Variants in CCDC6 observed in about 807,000 individuals in gnomAD.
CCDC6 encodes the protein coiled-coil domain containing 6.
CCDC6 carries 20 observed loss-of-function variants against 56.6 expected under a neutral mutation model. That is an observed-to-expected ratio of 0.35 (90% CI 0.25 to 0.51). The LOEUF is 0.51. CCDC6 is among the 20% of genes least tolerant of loss of function. The probability of loss-of-function intolerance (pLI) is 0.95; values close to 1 mark genes in which losing one functional copy is unlikely to be tolerated. For missense variants in CCDC6, 367 were observed against 601.1 expected (o/e 0.61, Z 4.07); for synonymous variants, 241 against 234.4 (o/e 1.03, Z -0.26).
At chr10:59,856,984 T>C (rs2071085253) in intron 1 of CCDC6, among the ~76,000 whole-genome samples, 1 of 152,210 alleles carries the variant, frequency 6.6e-6, no homozygotes, top group Non-Finnish European at 1.5e-5. Flanking sequence ...TTTATGATAT[T>C]TTCCTGTTCC....
At chr10:59,865,852 CAAAAAA>C (rs777021321) in intron 1 of CCDC6, among the ~76,000 whole-genome samples, 2,247 of 57,038 alleles carry the variant, frequency 0.039, 29 homozygotes, top group Middle Eastern at 0.12. Flanking sequence ...TCCATCTCCA[CAAAAAA>C]AAAAAAAAAA....
intron 1 of CCDC6, among the ~76,000 whole-genome samples, chr10:59,862,634 A>G (rs1342373697): frequency 1.3e-5 from 2 of 151,514 alleles, no homozygotes; most frequent in African/African-American, 4.9e-5. Context: ...ATTTTTAAAA[A>G]TGAAGATTAG....
chr10:59,862,516 T>TATATATATATATACACAC (rs1554886091), intron 1 of CCDC6, among the ~76,000 whole-genome samples: 1 of 97,204 alleles, frequency 1.0e-5, no homozygotes, highest in Non-Finnish European at 1.9e-5. Flanking sequence ...TATATATATA[T>TATATATATATATACACAC]ACACACACAC....
At chr10:59,846,122 T>C (rs2070989212) in intron 2 of CCDC6, among the ~76,000 whole-genome samples, 1 of 152,124 alleles carries the variant, frequency 6.6e-6, no homozygotes. Flanking sequence ...AGAAATGTCA[T>C]GCTACTCAGA....
At chr10:59,841,964 C>A (rs1468395369) in intron 2 of CCDC6, among the ~76,000 whole-genome samples, 2 of 152,060 alleles carry the variant, frequency 1.3e-5, no homozygotes, top group Non-Finnish European at 2.9e-5. Flanking sequence ...CCGCGCCCGA[C>A]CCCATGTCTT....
At chr10:59,902,697 G>A (rs764661549) in intron 1 of CCDC6, among the ~76,000 whole-genome samples, 2 of 152,152 alleles carry the variant, frequency 1.3e-5, no homozygotes, top group Non-Finnish European at 2.9e-5. Flanking sequence ...ACCGCGCCCG[G>A]CCCCGCCAAA....
chr10:59,862,762 G>A (rs898777924), intron 1 of CCDC6, among the ~76,000 whole-genome samples: 1 of 151,952 alleles, frequency 6.6e-6, no homozygotes, highest in African/African-American at 2.4e-5. Flanking sequence ...ATCAAGTGTT[G>A]ACAAGTATCA....
At chr10:59,902,114 A>G (rs1288268772) in intron 1 of CCDC6, among the ~76,000 whole-genome samples, 1 of 152,184 alleles carries the variant, frequency 6.6e-6, no homozygotes, top group African/African-American at 2.4e-5. Context: ...GACACGACTG[A>G]AAGACTGCTT....
intron 1 of CCDC6, among the ~76,000 whole-genome samples, chr10:59,857,084 G>A (rs1366398021): frequency 6.6e-6 from 1 of 152,154 alleles, no homozygotes; most frequent in Non-Finnish European, 1.5e-5. Context: ...TCACCGAGCA[G>A]TAATCACTGT....
intron 3 of CCDC6, among the ~76,000 whole-genome samples, chr10:59,831,445 G>A (rs1432495344): frequency 6.6e-6 from 1 of 152,142 alleles, no homozygotes; most frequent in Non-Finnish European, 1.5e-5. Flanking sequence ...TCATTCTCAG[G>A]TAAAATATTC....
chr10:59,855,815 T>TCA (rs1693267568), intron 1 of CCDC6, among the ~76,000 whole-genome samples: 1 of 152,184 alleles, frequency 6.6e-6, no homozygotes, highest in African/African-American at 2.4e-5. Flanking sequence ...CACACTGTAT[T>TCA]CACAGAGGAC....
intron 1 of CCDC6, among the ~76,000 whole-genome samples, chr10:59,852,907 A>G (rs2132656856): frequency 6.6e-6 from 1 of 152,330 alleles, no homozygotes; most frequent in East Asian, 1.9e-4. Context: ...CTATTATGCC[A>G]AAGAGCCCCC....
intron 1 of CCDC6, among the ~76,000 whole-genome samples, chr10:59,893,581 G>A (rs1051409082): frequency 5.9e-5 from 9 of 151,938 alleles, no homozygotes; most frequent in Non-Finnish European, 8.8e-5. Flanking sequence ...ACTCCAGCCC[G>A]GGTGAAAGAG....
At chr10:59,793,255 G>A (rs1183824555) in intron 8 of CCDC6, 144 bp from the exon 9 acceptor site, 1 of 647,516 alleles carries the variant, frequency 1.5e-6, no homozygotes, top group East Asian at 2.8e-5. Context: ...ATCCCTACTG[G>A]TTTCTGAACT....
rs1317655013 is a variant in CCDC6, at chr10:59,862,564, T to TACACACACACACAC, written c.304-9863_304-9862insGTGTGTGTGTGTGT. 1.5e-4 allele frequency among the ~76,000 whole-genome samples: 16 copies of TACACACACACACAC among 109,432 alleles called. 2 individuals are homozygous for TACACACACACACAC. Among genetic ancestry groups the TACACACACACACAC allele is most frequent in the South Asian group, 2.9e-4 (1 of 3,394 alleles). 71.8% of individuals were successfully genotyped at this position (109,432 alleles called of 152,430 possible). The stretch of plus-strand genomic sequence containing the variant: ...ACACACACACACACACACATATATA[T>TACACACACACACAC]ACACATACACACACACACACATATA... On this transcript the variant is annotated intron_variant, in intron 1 of 8. Transcript: ENST00000263102.
chr10:59,809,751 T>C (rs1232239546), intron 5 of CCDC6, among the ~76,000 whole-genome samples: 2 of 152,182 alleles, frequency 1.3e-5, no homozygotes, highest in African/African-American at 2.4e-5. Context: ...AAACAACATA[T>C]GTATGCCATA....
intron 1 of CCDC6, among the ~76,000 whole-genome samples, chr10:59,904,384 T>C (rs1038691277): frequency 8.5e-5 from 13 of 152,236 alleles, no homozygotes; most frequent in African/African-American, 3.1e-4. Context: ...TCATAGTCTC[T>C]GCATCCCTCA....
At chr10:59,813,758 A>C (rs2070691063) in intron 4 of CCDC6, among the ~76,000 whole-genome samples, 1 of 152,228 alleles carries the variant, frequency 6.6e-6, no homozygotes, top group Admixed American at 6.5e-5. Context: ...AATACCTATC[A>C]GTAAAGCATA....
At chr10:59,797,588 C>CAAAAAAAAAAAAA (rs10561094) in intron 7 of CCDC6, among the ~76,000 whole-genome samples, 7 of 31,604 alleles carry the variant, frequency 2.2e-4, no homozygotes, top group Non-Finnish European at 2.5e-4. Flanking sequence ...AACCTCCTAG[C>CAAAAAAAAAAAAA]AAAAAAAAAA....
Sources: gnomAD v4.1 joint callset for allele counts (sites outside exome capture counted in the v4.1 genomes callset) on GRCh38, gnomAD v4.1.1 for gene constraint, MANE v1.5 for transcripts, NCBI Gene and HGNC (gene_info 2026-07-23, HGNC 2026-07-21) for gene names.